CCSER1: variants seen among roughly 807,000 people sequenced by gnomAD.
CCSER1 encodes serine-rich coiled-coil domain-containing protein 1.
In CCSER1, 41 loss-of-function variants were observed where a neutral mutation model predicts 82.0. The observed-to-expected ratio is 0.50, with a 90% CI of 0.39 to 0.65. The LOEUF (loss-of-function observed/expected upper bound fraction) is 0.65. Ranked by LOEUF, CCSER1 falls within the 30% of genes least tolerant of loss-of-function variation. The pLI is 0.00. For missense variants in CCSER1, 1,119 were observed against 1,064.2 expected, an observed-to-expected ratio of 1.05 and a Z score of -0.72; for synonymous variants, 414 against 383.9, an observed-to-expected ratio of 1.08 and a Z score of -0.92.
At position 90,569,216 on chromosome 4, in the gene CCSER1, A is replaced by G. The variant is rs78631736; in HGVS notation, c.1725-58809A>G. Among the ~76,000 whole-genome samples the G allele has an allele frequency of 5.8e-3, 881 of 152,216 alleles. 7 individuals carry two copies. The highest frequency in any genetic ancestry group is 0.02 in the African/African-American group (832 of 41,534). On this transcript the variant is annotated intron_variant, in intron 5 of 10. Transcript: ENST00000509176. ...CTGATAACAATATAACTTTATTTCA[A>G]AAACAATACAAAATAAGAAAAAAAA...
At chr4:91,002,509 G>T (rs149537111) in intron 9 of CCSER1, among the ~76,000 whole-genome samples, 1 of 152,122 alleles carries the variant, frequency 6.6e-6, no homozygotes, top group Non-Finnish European at 1.5e-5. Flanking sequence ...AAGCTCAGAA[G>T]TTCTTTATTC....
intron 10 of CCSER1, among the ~76,000 whole-genome samples, chr4:91,440,732 T>G (rs1241946901): frequency 1.3e-5 from 2 of 151,220 alleles, no homozygotes; most frequent in Non-Finnish European, 3.0e-5. Context: ...GCAAGACTAA[T>G]AAAGAAGAAA....
At chr4:90,732,578 C>G (rs1398056728) in intron 7 of CCSER1, among the ~76,000 whole-genome samples, 1 of 152,072 alleles carries the variant, frequency 6.6e-6, no homozygotes, top group Non-Finnish European at 1.5e-5. Context: ...GTACAAACTA[C>G]TTAGGGACAG....
At chr4:90,417,474 A>G (rs556979924) in intron 4 of CCSER1, among the ~76,000 whole-genome samples, 7 of 152,046 alleles carry the variant, frequency 4.6e-5, no homozygotes, top group African/African-American at 1.7e-4. Context: ...TTTAAATTAA[A>G]TTAAAAATAT....
chr4:91,191,947 T>A (rs1057255593), intron 10 of CCSER1, among the ~76,000 whole-genome samples: 1 of 152,190 alleles, frequency 6.6e-6, no homozygotes, highest in African/African-American at 2.4e-5. Flanking sequence ...AAAAGTAGCC[T>A]ATTTTCACTG....
chr4:91,504,309 CTAAT>C (rs1759372370), intron 10 of CCSER1, among the ~76,000 whole-genome samples: 1 of 152,090 alleles, frequency 6.6e-6, no homozygotes, highest in South Asian at 2.1e-4. Flanking sequence ...GCACCAGGTA[CTAAT>C]TGTTTTCCCT....
At chr4:90,475,382 C>CTGAGGAGATCAG (rs1434128045) in intron 5 of CCSER1, among the ~76,000 whole-genome samples, 1 of 152,208 alleles carries the variant, frequency 6.6e-6, no homozygotes, top group Non-Finnish European at 1.5e-5. Flanking sequence ...GAAGCAGCAT[C>CTGAGGAGATCAG]TGAGGAGATC....
At chr4:90,479,598 T>G (rs1765617245) in intron 5 of CCSER1, among the ~76,000 whole-genome samples, 2 of 149,524 alleles carry the variant, frequency 1.3e-5, no homozygotes, top group African/African-American at 2.4e-5. Flanking sequence ...CATTGATCAA[T>G]TCCCACCTAT....
intron 10 of CCSER1, among the ~76,000 whole-genome samples, chr4:91,342,107 A>T (rs909874277): frequency 1.3e-5 from 2 of 152,204 alleles, no homozygotes; most frequent in African/African-American, 4.8e-5. Flanking sequence ...CTAAAAAAAT[A>T]GGAAACTTCA....
Position 90,127,473 on chromosome 4 carries a change from G to C in CCSER1, c.-400G>C, listed in dbSNP as rs947149607. ...CACACTCCGCGCACTCACACACTTG[G>C]AAGCGCCTCCCCACGTCCCTCCCCT... On this transcript the variant is annotated 5_prime_UTR_variant, in exon 1 of 11. Transcript: ENST00000509176. 3.9e-5 allele frequency: 6 copies of C among 152,648 alleles called. No homozygotes were observed. Among genetic ancestry groups the C allele is most frequent in the African/African-American group, 1.4e-4 (6 of 41,434 alleles). 9.5% of individuals were successfully genotyped at this position (152,648 alleles called of 1,614,324 possible).
At chr4:90,143,273 C>A (rs937790728) in intron 1 of CCSER1, among the ~76,000 whole-genome samples, 1 of 152,282 alleles carries the variant, frequency 6.6e-6, no homozygotes, top group East Asian at 1.9e-4. Flanking sequence ...CAAGCTTCAT[C>A]TCTCAAGTCA....
At chr4:90,799,181 G>T (rs949402273) in intron 7 of CCSER1, among the ~76,000 whole-genome samples, 104 of 152,200 alleles carry the variant, frequency 6.8e-4, no homozygotes, top group African/African-American at 2.4e-3. Context: ...CACAGGTCTG[G>T]GTGTCTTCTC....
At chr4:90,906,647 G>A (rs1725517140) in intron 8 of CCSER1, among the ~76,000 whole-genome samples, 1 of 152,170 alleles carries the variant, frequency 6.6e-6, no homozygotes, top group East Asian at 1.9e-4. Context: ...TAGTGATTAA[G>A]TGGGCAGGGT....
intron 9 of CCSER1, among the ~76,000 whole-genome samples, chr4:90,937,422 C>T (rs541620919): frequency 1.3e-5 from 2 of 150,884 alleles, no homozygotes; most frequent in South Asian, 2.1e-4. Flanking sequence ...ATAAATTTGC[C>T]GAAAATAAAA....
chr4:90,627,571 A>AT (rs568480656), intron 5 of CCSER1, among the ~76,000 whole-genome samples: 1 of 152,062 alleles, frequency 6.6e-6, no homozygotes, highest in African/African-American at 2.4e-5. Flanking sequence ...AATGGAAACA[A>AT]TTTTTTTAAT....
At chr4:90,806,310 G>A (rs1757503074) in intron 7 of CCSER1, among the ~76,000 whole-genome samples, 1 of 152,140 alleles carries the variant, frequency 6.6e-6, no homozygotes, top group South Asian at 2.1e-4. Context: ...TTAATGTGGT[G>A]AGATTGTGAA....
intron 10 of CCSER1, among the ~76,000 whole-genome samples, chr4:91,176,985 A>T (rs1407618521): frequency 6.6e-6 from 1 of 152,150 alleles, no homozygotes; most frequent in Non-Finnish European, 1.5e-5. Context: ...TTATTTTGAG[A>T]TACGTCCCAT....
At chr4:90,277,389 C>T (rs1440614179) in intron 1 of CCSER1, among the ~76,000 whole-genome samples, 1 of 152,128 alleles carries the variant, frequency 6.6e-6, no homozygotes, top group Non-Finnish European at 1.5e-5. Context: ...AGAGGCCACA[C>T]ATTACCTGTC....
At chr4:91,516,334 G>A (rs963880585) in intron 10 of CCSER1, among the ~76,000 whole-genome samples, 23 of 152,022 alleles carry the variant, frequency 1.5e-4, no homozygotes, top group African/African-American at 5.6e-4. Context: ...AGTTTTTATA[G>A]GTTTAGGTTT....
Sources: allele counts gnomAD v4.1 joint callset (sites outside exome capture counted in the v4.1 genomes callset), GRCh38; gene constraint gnomAD v4.1.1; transcripts MANE v1.5; gene names NCBI Gene and HGNC (gene_info 2026-07-23, HGNC 2026-07-21).